The following MROH1 variants were observed in gnomAD, a reference collection of about 807,000 sequenced individuals.
MROH1 encodes maestro heat like repeat family member 1.
A neutral mutation model predicts 116.5 loss-of-function variants in MROH1; 117 were observed. The ratio of observed to expected loss-of-function variants is 1.00; its 90% CI spans 0.86 to 1.17. The LOEUF is 1.17. Among genes scored for constraint, MROH1 ranks in the 50% most tolerant of loss-of-function variants. The pLI, the probability that MROH1 is intolerant of heterozygous loss-of-function variation, is 0.00. For synonymous variants in MROH1, 921 were observed against 583.9 expected (o/e 1.58, Z -8.32); for missense variants, 1,873 against 1,338.5 (o/e 1.40, Z -6.23).
intron 4 of MROH1, among the ~76,000 whole-genome samples, chr8:144,170,397 G>C (rs1822142584): frequency 6.6e-6 from 1 of 152,188 alleles, no homozygotes; most frequent in Non-Finnish European, 1.5e-5. Flanking sequence ...CACTGACCCT[G>C]TGGGCTGTGA....
chr8:144,227,934 C>T (rs533171320), intron 14 of MROH1, among the ~76,000 whole-genome samples: 2 of 151,928 alleles, frequency 1.3e-5, no homozygotes, highest in East Asian at 3.9e-4. Flanking sequence ...GCCTGGGTGA[C>T]ATAGTGACAC....
intron 12 of MROH1, among the ~76,000 whole-genome samples, chr8:144,217,792 T>C (rs936918046): frequency 6.6e-6 from 1 of 152,152 alleles, no homozygotes; most frequent in East Asian, 1.9e-4. Flanking sequence ...CCAGACCTTA[T>C]TGTTTTAGTT....
At chr8:144,242,319 G>C in intron 22 of MROH1, 50 bp from the exon 23 acceptor site, 1 of 780,292 alleles carries the variant, frequency 1.3e-6, no homozygotes, top group South Asian at 1.3e-5. Flanking sequence ...ATTCCCGTCG[G>C]GGAGTGTAAT....
rs563313583 is a variant in MROH1, at chr8:144,161,036, G to A, written c.-110G>A. 1.7e-4 allele frequency: 26 copies of A among 152,808 alleles called. No individual in the cohort carries two copies. The highest frequency in any genetic ancestry group is 2.8e-4 in the Non-Finnish European group (19 of 68,170). The allele number at this position is 152,808 out of a possible 1,614,324, so 9.5% of individuals were successfully genotyped here. A position where few individuals can be genotyped will look rare whatever the true frequency, so the allele number is the denominator to read the frequency against. On this transcript the variant is annotated 5_prime_UTR_variant, in exon 2 of 44. Coordinates refer to ENST00000326134, the MANE Select transcript of MROH1 (RefSeq NM_032450.3). Reference sequence around the variant, plus strand: ...CATTCGCAGCTTCTCCAGGCCACCTGCATTCCTTGTCTCAGAGCCTCCCTC... The same window carrying A: ...CATTCGCAGCTTCTCCAGGCCACCTACATTCCTTGTCTCAGAGCCTCCCTC...
chr8:144,257,113 C>G (rs1359745306), intron 35 of MROH1, among the ~76,000 whole-genome samples: 5 of 152,228 alleles, frequency 3.3e-5, no homozygotes, highest in African/African-American at 1.2e-4. Context: ...ACTGGTGTGG[C>G]TCTGTCCTCT....
intron 14 of MROH1, among the ~76,000 whole-genome samples, chr8:144,235,591 A>T (rs1839916431): frequency 6.6e-6 from 1 of 152,178 alleles, no homozygotes; most frequent in Non-Finnish European, 1.5e-5. Context: ...TGTGTCTAAG[A>T]TGAGCTTGTC....
At chr8:144,253,725 G>A (rs1843221113) in intron 33 of MROH1, among the ~76,000 whole-genome samples, 1 of 151,926 alleles carries the variant, frequency 6.6e-6, no homozygotes, top group East Asian at 1.9e-4. Flanking sequence ...GTCCGCCTTT[G>A]TTTACTTGAG....
chr8:144,256,248 G>A (rs1843750395), intron 35 of MROH1, among the ~76,000 whole-genome samples: 1 of 152,128 alleles, frequency 6.6e-6, no homozygotes, highest in Admixed American at 6.5e-5. Context: ...GTGGCTGTGT[G>A]GCCTGACCCC....
intron 4 of MROH1, among the ~76,000 whole-genome samples, chr8:144,178,633 G>GGCCGCCCTGT (rs1277891142): frequency 6.6e-6 from 1 of 152,216 alleles, no homozygotes; most frequent in East Asian, 1.9e-4. Context: ...TGGGCCTCTG[G>GGCCGCCCTGT]GCCGCCCTGT....
At chr8:144,185,967 G>T (rs1213809413) in intron 7 of MROH1, among the ~76,000 whole-genome samples, 2 of 151,976 alleles carry the variant, frequency 1.3e-5, no homozygotes, top group Non-Finnish European at 2.9e-5. Flanking sequence ...AGGGGACCGC[G>T]TGCCCAGTGC....
In MROH1 at chr8:144,257,329, C is replaced by T. The variant is rs1844064752; in HGVS notation, c.3792-1448C>T. Reference sequence around the variant, plus strand: ...CACTCATCAAGGGCTGTGTGAGGGGCTGGCCCTGCTGTTGGTCAGCACCAG... The same window carrying T: ...CACTCATCAAGGGCTGTGTGAGGGGTTGGCCCTGCTGTTGGTCAGCACCAG... On this transcript the variant is annotated intron_variant, in intron 35 of 43. Transcript: ENST00000326134. Among the ~76,000 whole-genome samples the T allele has an allele frequency of 2.6e-5, 4 of 152,316 alleles. No individual in the cohort carries two copies. The South Asian group carries it at 8.3e-4, about 32-fold the overall frequency.
chr8:144,201,194 C>G (rs1400955882), intron 12 of MROH1: 2 of 152,018 alleles, frequency 1.3e-5, no homozygotes, highest in Non-Finnish European at 2.9e-5. Flanking sequence ...GTAGCTGGAA[C>G]TACAGGGGCG....
intron 31 of MROH1, 58 bp downstream of exon 31, chr8:144,247,737 G>A (rs1171720188): frequency 9.9e-6 from 7 of 709,052 alleles, no homozygotes; most frequent in African/African-American, 3.5e-5. Flanking sequence ...GGGCTAACAG[G>A]GACTTCCGAG....
At chr8:144,249,814 G>C (rs1311713153) in intron 32 of MROH1, among the ~76,000 whole-genome samples, 2 of 152,206 alleles carry the variant, frequency 1.3e-5, no homozygotes, top group African/African-American at 4.8e-5. Context: ...CAGGAGTGCC[G>C]TTGGCAGCTG....
chr8:144,149,086 A>T (rs1816112279), intron 1 of MROH1, among the ~76,000 whole-genome samples: 1 of 152,100 alleles, frequency 6.6e-6, no homozygotes, highest in African/African-American at 2.4e-5. Flanking sequence ...TCTCAGTGCG[A>T]TGACCATGGA....
At position 144,243,881 on chromosome 8, in the gene MROH1, C is replaced by G; in HGVS notation, c.2494C>G (p.Pro832Ala). 1.3e-6 allele frequency: 1 copy of G among 780,048 alleles called. No individual in the cohort carries two copies. The highest frequency in any genetic ancestry group is 2.4e-6 in the Non-Finnish European group (1 of 417,584). The allele number at this position is 780,048 out of a possible 1,614,324, so 48.3% of individuals were successfully genotyped here. ...CACCCAGGAGTTCATCAGGGCAGAG[C>G]CCCCGGACTCCTTGAGGACACCTAT... ...AQMMEFIRAE[P>A]PDSLRTPIRK... is the part of the protein sequence containing the mutation. The change falls in exon 26 of 44, where the codon CCC (proline) becomes GCC (alanine). Residue 832 changes from proline (P) to alanine (A), a missense_variant. Coordinates refer to ENST00000326134, the MANE Select transcript of MROH1 (RefSeq NM_032450.3).
intron 1 of MROH1, among the ~76,000 whole-genome samples, chr8:144,155,298 A>G (rs1817768753): frequency 6.6e-6 from 1 of 152,118 alleles, no homozygotes; most frequent in Non-Finnish European, 1.5e-5. Context: ...TTGACTGCAG[A>G]TGGCAGCATG....
chr8:144,223,350 C>A, intron 14 of MROH1, 120 bp downstream of exon 14: 1 of 1,293,102 alleles, frequency 7.7e-7, no homozygotes, highest in Non-Finnish European at 1.1e-6. Context: ...AGTCTGCGTG[C>A]GGAGGTGCCC....
At chr8:144,237,075 T>G (rs1280868073) in intron 14 of MROH1, among the ~76,000 whole-genome samples, 1 of 151,512 alleles carries the variant, frequency 6.6e-6, no homozygotes, top group African/African-American at 2.4e-5. Flanking sequence ...CCGGCTAATT[T>G]TTTGTATTTT....
Sources: allele counts gnomAD v4.1 joint callset (sites outside exome capture counted in the v4.1 genomes callset), GRCh38; gene constraint gnomAD v4.1.1; transcripts MANE v1.5; gene names NCBI Gene and HGNC (gene_info 2026-07-23, HGNC 2026-07-21).